Variants in DOP1B observed in about 807,000 individuals in gnomAD.
DOP1B encodes DOP1 leucine zipper like protein B, also known as protein DOP1B.
In DOP1B, 174 loss-of-function variants were observed where a neutral mutation model predicts 233.5. The observed-to-expected ratio is 0.75, with a 90% CI of 0.66 to 0.85. The LOEUF is 0.85. Ranked by LOEUF, DOP1B falls within the 40% of genes least tolerant of loss-of-function variation. DOP1B has a pLI of 0.00. For synonymous variants in DOP1B, 1,190 were observed against 1,185.6 expected, an observed-to-expected ratio of 1.00 and a Z score of -0.08; for missense variants, 2,652 against 2,846.6, an observed-to-expected ratio of 0.93 and a Z score of 1.56.
chr21:36,284,659 T>C (rs562452206), intron 32 of DOP1B, among the ~76,000 whole-genome samples: 16 of 152,038 alleles, frequency 1.1e-4, no homozygotes, highest in African/African-American at 3.9e-4. Context: ...GTATAGAAGC[T>C]AGAACCAAAA....
chr21:36,281,872 G>A (rs1186876092), intron 32 of DOP1B, among the ~76,000 whole-genome samples: 1 of 152,074 alleles, frequency 6.6e-6, no homozygotes, highest in Non-Finnish European at 1.5e-5. Flanking sequence ...CCTCTTAAAG[G>A]CCCCACTTCC....
chr21:36,293,889 T>A lies in DOP1B; in HGVS notation c.*318T>A. 1 of 269,554 alleles carries A rather than the reference T, an allele frequency of 3.7e-6. No homozygotes were observed. The highest frequency in any genetic ancestry group is 2.2e-5 in the African/African-American group (1 of 44,930). The allele number at this position is 269,554 out of a possible 1,614,324, so 16.7% of individuals were successfully genotyped here. A position where few individuals can be genotyped will look rare whatever the true frequency, so the allele number is the denominator to read the frequency against. ...CCCAGCTACTTGGGAGGCTAAGGCA[T>A]GAGAATTGCTTGAACCCAGGAGGTG... On this transcript the variant is annotated 3_prime_UTR_variant, in exon 37 of 37. Transcript: ENST00000691173.
intron 4 of DOP1B, among the ~76,000 whole-genome samples, chr21:36,206,960 A>G (rs1177745367): frequency 6.6e-6 from 1 of 152,168 alleles, no homozygotes; most frequent in Non-Finnish European, 1.5e-5. Flanking sequence ...GACTAATTTT[A>G]AGGAGAACAA....
intron 15 of DOP1B, among the ~76,000 whole-genome samples, chr21:36,235,554 TG>T (rs777081517): frequency 2.0e-5 from 3 of 150,312 alleles, no homozygotes; most frequent in Non-Finnish European, 4.4e-5. Flanking sequence ...CAAAATCCCA[TG>T]TCTAAAAAAA....
intron 2 of DOP1B, among the ~76,000 whole-genome samples, chr21:36,170,746 A>G (rs2065965302): frequency 6.6e-6 from 1 of 151,808 alleles, no homozygotes; most frequent in Admixed American, 6.6e-5. Flanking sequence ...AGTGAGCATG[A>G]TCATGCCACT....
chr21:36,205,759 AC>A (rs2066419055), intron 4 of DOP1B, among the ~76,000 whole-genome samples: 1 of 149,278 alleles, frequency 6.7e-6, no homozygotes, highest in South Asian at 2.3e-4. Flanking sequence ...TAATTCCAGC[AC>A]TTTGGGAGGC....
chr21:36,167,415 T>C (rs1023634253), intron 2 of DOP1B, among the ~76,000 whole-genome samples: 9 of 152,156 alleles, frequency 5.9e-5, no homozygotes, highest in African/African-American at 2.2e-4. Context: ...CCTCAAGTGA[T>C]CCGCCCACCT....
intron 32 of DOP1B, 135 bp from the exon 33 acceptor site, chr21:36,287,879 C>G: frequency 2.6e-6 from 3 of 1,145,028 alleles, no homozygotes; most frequent in Non-Finnish European, 3.6e-6. Flanking sequence ...GCCACCAAGC[C>G]TGGCCTGTAA....
At chr21:36,264,565 T>C (rs1317630739) in intron 26 of DOP1B, among the ~76,000 whole-genome samples, 1 of 151,852 alleles carries the variant, frequency 6.6e-6, no homozygotes, top group African/African-American at 2.4e-5. Flanking sequence ...CCTCCACCTC[T>C]GGGGTTCAAG....
chr21:36,177,274 A>C (rs893212996), intron 2 of DOP1B, among the ~76,000 whole-genome samples: 3 of 152,226 alleles, frequency 2.0e-5, no homozygotes, highest in African/African-American at 7.2e-5. Context: ...CCCAGGCTTC[A>C]CAGCAGCCTC....
chr21:36,201,508 C>T (rs1261754682), intron 4 of DOP1B, among the ~76,000 whole-genome samples: 1 of 151,828 alleles, frequency 6.6e-6, no homozygotes, highest in East Asian at 1.9e-4. Flanking sequence ...CCACCACACC[C>T]AGCTAATTTT....
chr21:36,279,652 CTT>C (rs2067393991), intron 30 of DOP1B, among the ~76,000 whole-genome samples: 1 of 152,138 alleles, frequency 6.6e-6, no homozygotes, highest in African/African-American at 2.4e-5. Flanking sequence ...CTATCCCACT[CTT>C]TTCATCAACA....
At chr21:36,227,476 G>GGCGGA (rs2066705088) in intron 12 of DOP1B, among the ~76,000 whole-genome samples, 4 of 151,844 alleles carry the variant, frequency 2.6e-5, no homozygotes, top group Non-Finnish European at 5.9e-5. Context: ...GAACCCGGGA[G>GGCGGA]GCTGAGCTTG....
At chr21:36,259,210 C>T (rs1213631607) in intron 23 of DOP1B, among the ~76,000 whole-genome samples, 1 of 151,992 alleles carries the variant, frequency 6.6e-6, no homozygotes, top group East Asian at 1.9e-4. Context: ...CGTGATCCAC[C>T]CGCCTCGGCT....
intron 12 of DOP1B, among the ~76,000 whole-genome samples, chr21:36,226,970 C>G (rs1274179254): frequency 6.6e-6 from 1 of 151,974 alleles, no homozygotes; most frequent in Non-Finnish European, 1.5e-5. Context: ...CTTTGGGAGG[C>G]CGAGGTGGGC....
At chr21:36,187,673 C>T (rs2066179876) in intron 2 of DOP1B, among the ~76,000 whole-genome samples, 1 of 152,058 alleles carries the variant, frequency 6.6e-6, no homozygotes. Context: ...GAGGTGCGAT[C>T]GTAGCTCGCC....
At chr21:36,180,435 TG>T (rs966885057) in intron 2 of DOP1B, among the ~76,000 whole-genome samples, 4 of 150,836 alleles carry the variant, frequency 2.7e-5, no homozygotes, top group African/African-American at 9.8e-5. Context: ...CTGGGTGTGG[TG>T]GCGCACACCT....
intron 2 of DOP1B, among the ~76,000 whole-genome samples, chr21:36,176,461 T>C (rs2249211): frequency 0.59 from 89,876 of 151,966 alleles, 27,614 homozygotes; most frequent in African/African-American, 0.77. Flanking sequence ...ATCTCACTTG[T>C]AGGGCATCCT....
chr21:36,193,185 T>A (rs1210229305), intron 2 of DOP1B, among the ~76,000 whole-genome samples: 3 of 152,144 alleles, frequency 2.0e-5, no homozygotes, highest in Non-Finnish European at 4.4e-5. Flanking sequence ...GAGACCCCTA[T>A]AACGAAAGAG....
Sources: gnomAD v4.1 joint callset for allele counts (sites outside exome capture counted in the v4.1 genomes callset) on GRCh38, gnomAD v4.1.1 for gene constraint, MANE v1.5 for transcripts, NCBI Gene and HGNC (gene_info 2026-07-23, HGNC 2026-07-21) for gene names.